The following IL12RB2 variants were observed in gnomAD, a reference collection of about 807,000 sequenced individuals.
IL12RB2 encodes interleukin 12 receptor subunit beta 2.
Under a neutral mutation model 89.4 loss-of-function variants are expected in IL12RB2, and 82 were observed. The ratio of observed to expected loss-of-function variants is 0.92; its 90% CI spans 0.77 to 1.10. IL12RB2 has a LOEUF of 1.10. Among genes scored for constraint, IL12RB2 ranks in the 50% least tolerant of loss-of-function variants. The pLI, the probability that IL12RB2 is intolerant of heterozygous loss-of-function variation, is 0.00. For missense variants in IL12RB2, 963 were observed against 1,031.9 expected (o/e 0.93, Z 0.92); for synonymous variants, 368 against 370.1 (o/e 0.99, Z 0.07).
chr1:67,361,163 C>T (rs767589942), intron 10 of IL12RB2, among the ~76,000 whole-genome samples: 3 of 152,162 alleles, frequency 2.0e-5, no homozygotes, highest in Non-Finnish European at 2.9e-5. Flanking sequence ...CCCCCGACAC[C>T]TTTCTACCAC....
intron 9 of IL12RB2, among the ~76,000 whole-genome samples, chr1:67,342,218 GT>G (rs369184589): frequency 4.0e-5 from 6 of 150,276 alleles, no homozygotes; most frequent in Middle Eastern, 6.4e-3. Context: ...GGTTTTTTTT[GT>G]TTTTTTTTGT....
chr1:67,359,977 G>A (rs780223786), intron 10 of IL12RB2, among the ~76,000 whole-genome samples: 2 of 152,110 alleles, frequency 1.3e-5, no homozygotes, highest in Non-Finnish European at 2.9e-5. Context: ...GGGAACCAGT[G>A]CTGAGGTAAG....
chr1:67,365,523 C>T (rs1198221872), intron 10 of IL12RB2, among the ~76,000 whole-genome samples: 5 of 152,110 alleles, frequency 3.3e-5, no homozygotes, highest in Non-Finnish European at 2.9e-5. Context: ...TCTGTGCCCA[C>T]GAATTTGATA....
At chr1:67,386,738 T>C (rs1249159355) in intron 15 of IL12RB2, 69 bp downstream of exon 15, 16 of 1,044,420 alleles carry the variant, frequency 1.5e-5, no homozygotes, top group Non-Finnish European at 7.6e-6. Context: ...GTTGCTGCCA[T>C]GGGTCAGGGA....
chr1:67,336,212 C>A (rs890508995), intron 8 of IL12RB2, among the ~76,000 whole-genome samples: 12 of 152,280 alleles, frequency 7.9e-5, no homozygotes, highest in African/African-American at 2.6e-4. Flanking sequence ...TGGGTCCAGT[C>A]CTCAGCTTTG....
intron 11 of IL12RB2, among the ~76,000 whole-genome samples, chr1:67,369,392 G>A (rs1663044841): frequency 6.6e-6 from 1 of 152,224 alleles, no homozygotes; most frequent in African/African-American, 2.4e-5. Context: ...ACCCTGTGTG[G>A]AAATTATAAA....
At chr1:67,345,072 G>A (rs957704880) in intron 9 of IL12RB2, among the ~76,000 whole-genome samples, 19 of 152,266 alleles carry the variant, frequency 1.2e-4, no homozygotes, top group African/African-American at 4.3e-4. Context: ...TCAAGAGGCT[G>A]AGGCAGGAGA....
At chr1:67,358,081 G>C (rs2100899756) in intron 10 of IL12RB2, among the ~76,000 whole-genome samples, 1 of 151,686 alleles carries the variant, frequency 6.6e-6, no homozygotes, top group Non-Finnish European at 1.5e-5. Flanking sequence ...AAAGTGTAAG[G>C]ACCTTAAAGC....
In IL12RB2 at chr1:67,387,686, C is replaced by G. The variant is rs187116043; in HGVS notation, c.1946+1017C>G. Among the ~76,000 whole-genome samples, 9 of 118,840 alleles carry G rather than the reference C, an allele frequency of 7.6e-5. No individual in the cohort carries two copies. The East Asian group carries it at 1.4e-3, about 18-fold the overall frequency. 78.0% of individuals were successfully genotyped at this position (118,840 alleles called of 152,430 possible). ...ACCACTGCACTCCACCCTGGCAACA[C>G]AGCAAGACTGTCTCAAAAAAAAAAA... On this transcript the variant is annotated intron_variant, in intron 15 of 16. Coordinates refer to ENST00000674203, the MANE Select transcript of IL12RB2 (RefSeq NM_001374259.2).
intron 10 of IL12RB2, among the ~76,000 whole-genome samples, chr1:67,363,956 C>A (rs1026113215): frequency 3.3e-5 from 5 of 152,104 alleles, no homozygotes; most frequent in African/African-American, 1.2e-4. Context: ...AAAATAGTAA[C>A]ACATGTAGTA....
At chr1:67,340,838 CA>C (rs1388335550) in intron 9 of IL12RB2, among the ~76,000 whole-genome samples, 4 of 152,276 alleles carry the variant, frequency 2.6e-5, no homozygotes, top group African/African-American at 9.6e-5. Flanking sequence ...TCTATCTTCA[CA>C]AGGCTTAGGT....
At chr1:67,335,803 G>A (rs1170423995) in intron 8 of IL12RB2, among the ~76,000 whole-genome samples, 2 of 152,146 alleles carry the variant, frequency 1.3e-5, no homozygotes, top group African/African-American at 4.8e-5. Flanking sequence ...GTCATGAAAT[G>A]TTACACTTTT....
At chr1:67,326,709 T>A (rs1345699643) in intron 4 of IL12RB2, 26 bp from the exon 5 acceptor site, 2 of 1,609,820 alleles carry the variant, frequency 1.2e-6, no homozygotes, top group South Asian at 2.2e-5. Context: ...GTGTGATATA[T>A]AAGGTTTTGT....
intron 2 of IL12RB2, among the ~76,000 whole-genome samples, chr1:67,317,407 T>A (rs1655917171): frequency 6.6e-6 from 1 of 152,228 alleles, no homozygotes; most frequent in Non-Finnish European, 1.5e-5. Flanking sequence ...TTTTAGAAGC[T>A]GTCACATTCA....
intron 9 of IL12RB2, 90 bp downstream of exon 9, chr1:67,338,793 C>G (rs1216844465): frequency 1.3e-6 from 1 of 762,636 alleles, no homozygotes; most frequent in Non-Finnish European, 2.4e-6. Flanking sequence ...TATGAAGCTT[C>G]AATGATTTTG....
Position 67,390,082 on chromosome 1 carries a change from C to T in IL12RB2, c.2000C>T (p.Pro667Leu). ...CCTCAGTGGTGTAGCAGAGAAATTC[C>T]AGATCCAGCAAATAGCACTTGCGCT... ...LRPQWCSREI[P>L]DPANSTCAKK... Residue 667 changes from proline (P) to leucine (L), a missense_variant, in exon 16 of 17, where the codon CCA becomes CTA. Physicochemically the swap from Pro to Leu is moderately conservative, Grantham distance 98. Coordinates refer to ENST00000674203, the MANE Select transcript of IL12RB2 (RefSeq NM_001374259.2). 1 of 1,398,878 alleles carries T rather than the reference C, an allele frequency of 7.1e-7. No homozygotes were observed. Among genetic ancestry groups the T allele is most frequent in the Non-Finnish European group, 1.0e-6 (1 of 983,360 alleles). 86.7% of individuals were successfully genotyped at this position (1,398,878 alleles called of 1,614,324 possible). A position where few individuals can be genotyped will look rare whatever the true frequency, so the allele number is the denominator to read the frequency against.
At chr1:67,382,035 GT>G (rs1248391962) in intron 14 of IL12RB2, among the ~76,000 whole-genome samples, 1 of 152,140 alleles carries the variant, frequency 6.6e-6, no homozygotes, top group Non-Finnish European at 1.5e-5. Context: ...CTTGCTACTG[GT>G]TTTACTCCAA....
intron 14 of IL12RB2, 62 bp from the exon 15 acceptor site, chr1:67,386,517 C>T: frequency 8.7e-7 from 1 of 1,151,170 alleles, no homozygotes; most frequent in South Asian, 1.2e-5. Flanking sequence ...ATACACCAAT[C>T]AGGATTTTGA....
chr1:67,326,873 C>T (rs764651568), intron 5 of IL12RB2, 24 bp downstream of exon 5: 4 of 1,399,822 alleles, frequency 2.9e-6, no homozygotes, highest in Non-Finnish European at 1.9e-6. Flanking sequence ...TGTATTTTTG[C>T]AGCTGTTTTG....
Sources: allele counts gnomAD v4.1 joint callset (sites outside exome capture counted in the v4.1 genomes callset), GRCh38; gene constraint gnomAD v4.1.1; transcripts MANE v1.5; gene names NCBI Gene and HGNC (gene_info 2026-07-23, HGNC 2026-07-21).